The following PPP2R5E variants were observed in gnomAD, a reference collection of about 807,000 sequenced individuals.
PPP2R5E encodes the protein protein phosphatase 2 regulatory subunit B'epsilon.
Under a neutral mutation model 65.3 loss-of-function variants are expected in PPP2R5E, and 4 were observed. That is an observed-to-expected ratio of 0.06 (90% CI 0.03 to 0.14). The LOEUF is 0.14. Among genes scored for constraint, PPP2R5E ranks in the 10% least tolerant of loss-of-function variants. The pLI, the probability that PPP2R5E is intolerant of heterozygous loss-of-function variation, is 1.00. For synonymous variants in PPP2R5E, 183 were observed against 187.4 expected, an observed-to-expected ratio of 0.98 and a Z score of 0.19; for missense variants, 274 against 556.1, an observed-to-expected ratio of 0.49 and a Z score of 5.10.
chr14:63,466,551 T>C (rs1219406647), intron 2 of PPP2R5E, among the ~76,000 whole-genome samples: 1 of 152,228 alleles, frequency 6.6e-6, no homozygotes, highest in Non-Finnish European at 1.5e-5. Context: ...CCATGCTTCA[T>C]ACAAAAGATA....
chr14:63,382,066 C>A lies in PPP2R5E; in HGVS notation c.1294G>T (p.Asp432Tyr), dbSNP rs1884396635. The change falls in exon 13 of 14, where the codon GAT (aspartate) becomes TAT (tyrosine). Residue 432 changes from aspartate to tyrosine, a missense_variant. Around this residue, in one of 6 missense-constraint regions of PPP2R5E, gnomAD observed 129 missense variants for 254.9 expected, o/e 0.51. Coordinates refer to ENST00000337537, the MANE Select transcript of PPP2R5E (RefSeq NM_006246.5). ...GCTTTAAAAAGTTACCGCTGACGATCTGACTTGTATGTGGCTGTCAGCTCG... is the reference window on the plus strand; with the variant it reads ...GCTTTAAAAAGTTACCGCTGACGATATGACTTGTATGTGGCTGTCAGCTCG... ...FDELTATYKS[D>Y]RQREKKKEKE... The A allele has an allele frequency of 1.9e-6, 3 of 1,612,130 alleles. No individual in the cohort carries two copies. In the East Asian group the frequency reaches 6.7e-5, roughly 36 times the overall value.
chr14:63,457,265 TA>T (rs1300897533), intron 2 of PPP2R5E, among the ~76,000 whole-genome samples: 2 of 152,156 alleles, frequency 1.3e-5, no homozygotes. Context: ...TTCCACTATA[TA>T]AGAAAAGTTT....
intron 3 of PPP2R5E, among the ~76,000 whole-genome samples, chr14:63,438,058 T>G (rs942782696): frequency 2.6e-5 from 4 of 152,206 alleles, no homozygotes; most frequent in Admixed American, 6.5e-5. Context: ...GAATAGCATA[T>G]TTCTTCTTGT....
intron 3 of PPP2R5E, chr14:63,452,476 T>C (rs2139474162): frequency 6.6e-6 from 1 of 152,350 alleles, no homozygotes; most frequent in African/African-American, 2.4e-5. Context: ...CATCTAGTTG[T>C]GACTACCAAA....
intron 5 of PPP2R5E, among the ~76,000 whole-genome samples, chr14:63,405,244 TGTGA>T: frequency 6.6e-6 from 1 of 152,356 alleles, no homozygotes; most frequent in East Asian, 1.9e-4. Flanking sequence ...TGCTATAGGC[TGTGA>T]GAGAGAAATG....
chr14:63,499,733 A>AC (rs1891763912), intron 2 of PPP2R5E, among the ~76,000 whole-genome samples: 1 of 152,094 alleles, frequency 6.6e-6, no homozygotes, highest in Non-Finnish European at 1.5e-5. Context: ...TCTCAGAAAA[A>AC]AAAAAAAAAG....
chr14:63,515,101 C>A (rs1423884691), intron 2 of PPP2R5E, among the ~76,000 whole-genome samples: 1 of 152,034 alleles, frequency 6.6e-6, no homozygotes, highest in Non-Finnish European at 1.5e-5. Flanking sequence ...TACCTCCGTA[C>A]AACCCTAAGC....
chr14:63,517,019 A>T (rs1025889332), intron 2 of PPP2R5E, among the ~76,000 whole-genome samples: 4 of 152,178 alleles, frequency 2.6e-5, no homozygotes, highest in African/African-American at 9.7e-5. Context: ...ATACAAAGAG[A>T]TCAACTTTAT....
chr14:63,373,782 T>A lies in PPP2R5E; in HGVS notation c.*2227A>T, dbSNP rs1883824110. 6.6e-6 allele frequency: 1 copy of A among 152,202 alleles called. No individual in the cohort carries two copies. The highest frequency in any genetic ancestry group is 2.1e-4 in the South Asian group (1 of 4,836). 9.4% of individuals were successfully genotyped at this position (152,202 alleles called of 1,614,324 possible). A position where few individuals can be genotyped will look rare whatever the true frequency, so the allele number is the denominator to read the frequency against. The stretch of plus-strand genomic sequence containing the variant: ...TCTTCATAAACCTGTGATTTTAATG[T>A]CTTCTACCTAAAAAGATGAATTAAT... On this transcript the variant is annotated 3_prime_UTR_variant, in exon 14 of 14. Transcript: ENST00000337537.
At chr14:63,408,160 A>G (rs1329583663) in intron 5 of PPP2R5E, among the ~76,000 whole-genome samples, 2 of 152,208 alleles carry the variant, frequency 1.3e-5, no homozygotes, top group African/African-American at 2.4e-5. Flanking sequence ...ATATTTCACT[A>G]TATGAATGTC....
intron 2 of PPP2R5E, among the ~76,000 whole-genome samples, chr14:63,470,802 T>G (rs1331595439): frequency 7.4e-6 from 1 of 135,748 alleles, no homozygotes; most frequent in East Asian, 2.1e-4. Context: ...GGTGGGAAGA[T>G]CAACACAGAA....
intron 4 of PPP2R5E, among the ~76,000 whole-genome samples, chr14:63,416,113 T>C (rs1334406491): frequency 1.3e-5 from 2 of 152,206 alleles, no homozygotes; most frequent in African/African-American, 2.4e-5. Context: ...AATAAGCCTA[T>C]GTCAAAGGCT....
In PPP2R5E at chr14:63,399,991, T is replaced by C. The variant is rs141334877; in HGVS notation, c.550-3275A>G. On this transcript the variant is annotated intron_variant, in intron 5 of 13. Coordinates refer to ENST00000337537, the MANE Select transcript of PPP2R5E (RefSeq NM_006246.5). ...TAATTTGAATAAAAGACAAGAGTTATGGACCAAAAAAAGGCCCCTCAAACA... is the reference window on the plus strand; with the variant it reads ...TAATTTGAATAAAAGACAAGAGTTACGGACCAAAAAAAGGCCCCTCAAACA... Among the ~76,000 whole-genome samples, 60 of 151,532 alleles carry C rather than the reference T, an allele frequency of 4.0e-4. 1 individual carries two copies. The East Asian group carries it at 0.01, about 26-fold the overall frequency.
In PPP2R5E at chr14:63,375,997, T is replaced by G; in HGVS notation, c.*12A>C. Reference sequence around the variant, plus strand: ...ACTCCACAGGTTAGTAATGTTGTTGTCATTGTTTTTGTTAAGTTGGAATTA... The same window carrying G: ...ACTCCACAGGTTAGTAATGTTGTTGGCATTGTTTTTGTTAAGTTGGAATTA... On this transcript the variant is annotated 3_prime_UTR_variant, in exon 14 of 14. Coordinates refer to ENST00000337537, the MANE Select transcript of PPP2R5E (RefSeq NM_006246.5). The G allele has an allele frequency of 6.5e-7, 1 of 1,540,260 alleles. No individual in the cohort carries two copies.
intron 4 of PPP2R5E, among the ~76,000 whole-genome samples, chr14:63,416,953 A>G (rs1886727296): frequency 1.3e-5 from 2 of 152,206 alleles, no homozygotes; most frequent in Non-Finnish European, 2.9e-5. Context: ...TTTCTCCCAC[A>G]TAATTGTAGA....
chr14:63,419,467 C>G (rs1886884532), intron 4 of PPP2R5E, among the ~76,000 whole-genome samples: 1 of 152,032 alleles, frequency 6.6e-6, no homozygotes, highest in Admixed American at 6.6e-5. Context: ...ACATGAATGA[C>G]CTATCATGAA....
intron 2 of PPP2R5E, among the ~76,000 whole-genome samples, chr14:63,478,518 T>A (rs2139585255): frequency 6.6e-6 from 1 of 152,302 alleles, no homozygotes; most frequent in South Asian, 2.1e-4. Flanking sequence ...AGAAAGCAAC[T>A]GGATTCTCAA....
intron 2 of PPP2R5E, among the ~76,000 whole-genome samples, chr14:63,487,923 T>C (rs1194230331): frequency 6.6e-6 from 1 of 152,202 alleles, no homozygotes; most frequent in Non-Finnish European, 1.5e-5. Flanking sequence ...TTCCTCTTCT[T>C]TATTTGTCTT....
At chr14:63,469,660 C>T (rs1053325682) in intron 2 of PPP2R5E, among the ~76,000 whole-genome samples, 1 of 152,216 alleles carries the variant, frequency 6.6e-6, no homozygotes, top group Non-Finnish European at 1.5e-5. Context: ...TGCCACTGCA[C>T]TCCAGCCTGG....
Sources: allele counts gnomAD v4.1 joint callset (sites outside exome capture counted in the v4.1 genomes callset), GRCh38; gene constraint gnomAD v4.1.1; regional missense constraint gnomAD v4.1.1; transcripts MANE v1.5; gene names NCBI Gene and HGNC (gene_info 2026-07-23, HGNC 2026-07-21).